Variants in ZNF233 observed in about 807,000 individuals in gnomAD.
ZNF233 encodes zinc finger protein 233.
ZNF233 carries 7 observed loss-of-function variants against 11.6 expected under a neutral mutation model. That is an observed-to-expected ratio of 0.60 (90% CI 0.34 to 1.13). The LOEUF (loss-of-function observed/expected upper bound fraction) is 1.13, where lower values mean the gene tolerates loss of function less well. Ranked by LOEUF, ZNF233 falls within the 50% of genes most tolerant of loss-of-function variation. The pLI, the probability that ZNF233 is intolerant of heterozygous loss-of-function variation, is 0.03. For synonymous variants in ZNF233, 226 were observed against 268.5 expected (o/e 0.84, Z 1.55); for missense variants, 711 against 785.5 (o/e 0.91, Z 1.13).
chr19:44,274,364 G>A lies in ZNF233; in HGVS notation c.1704G>A (p.Val568=). Residue 568 remains valine, a synonymous_variant, in exon 5 of 5, where the codon GTG becomes GTA. Transcript: ENST00000683810. ...GAGAGAATCCCTACAAATGTGATGTGTGTGGGAAAGGCTTCAGTTGGAGTT... is the reference window on the plus strand; with the variant it reads ...GAGAGAATCCCTACAAATGTGATGTATGTGGGAAAGGCTTCAGTTGGAGTT... The part of the protein sequence containing the change: ...HTGENPYKCD[V]CGKGFSWSSH... 1 of 1,613,370 alleles carries A rather than the reference G, an allele frequency of 6.2e-7. No individual in the cohort carries two copies. Among genetic ancestry groups the A allele is most frequent in the Non-Finnish European group, 8.5e-7 (1 of 1,179,826 alleles).
rs1555798186 is a variant in ZNF233 at position 44,273,859 on chromosome 19, G to T, written c.1199G>T (p.Cys400Phe). Residue 400 changes from cysteine (C) to phenylalanine (F), a missense_variant, in exon 5 of 5, where the codon TGT becomes TTT. Physicochemically the swap from Cys to Phe is radical, Grantham distance 205. Transcript: ENST00000683810. ...VDSAGERACK[C>F]DVYDKGFSQT... ...AGTGCTGGAGAGAGAGCCTGTAAAT[G>T]TGATGTATATGATAAAGGCTTCAGT... The T allele has an allele frequency of 6.2e-7, 1 of 1,614,166 alleles. No individual in the cohort carries two copies. The highest frequency in any genetic ancestry group is 1.1e-5 in the South Asian group (1 of 91,084).
Position 44,273,558 on chromosome 19 carries a change from G to A in ZNF233, c.898G>A (p.Gly300Arg). The A allele has an allele frequency of 6.2e-7, 1 of 1,614,204 alleles. No individual in the cohort carries two copies. The highest frequency in any genetic ancestry group is 8.5e-7 in the Non-Finnish European group (1 of 1,180,048). ...CGGGAAGGGCATAGGTTACAGCTCA[G>A]GGCTTCCCAGGCATCAGTGTTTCCA... is the stretch of plus-strand genomic sequence containing the variant. ...EYGKGIGYSS[G>R]LPRHQCFHIG... Residue 300 changes from glycine to arginine, a missense_variant, in exon 5 of 5, where the codon GGG (glycine) becomes AGG (arginine). Coordinates refer to ENST00000683810, the MANE Select transcript of ZNF233 (RefSeq NM_001207005.2).
rs758821581 is a variant in ZNF233, at chr19:44,274,525, G to A, written c.1865G>A (p.Cys622Tyr). Residue 622 changes from cysteine to tyrosine, a missense_variant, in exon 5 of 5, where the codon TGT becomes TAT. Cys to Tyr is a radical substitution (Grantham distance 194). Transcript: ENST00000683810. The part of the protein sequence containing the change: ...RIHTGEKPYK[C>Y]GMCGKSFSQT... The stretch of plus-strand genomic sequence containing the variant: ...CACACGGGAGAGAAACCCTATAAAT[G>A]TGGCATGTGTGGTAAGAGCTTCAGT... The A allele has an allele frequency of 6.2e-6, 10 of 1,613,892 alleles. No individual in the cohort carries two copies. The Admixed American group carries it at 1.2e-4, about 19-fold the overall frequency.
intron 2 of ZNF233, among the ~76,000 whole-genome samples, chr19:44,264,802 T>C (rs1235198353): frequency 2.0e-5 from 3 of 152,220 alleles, no homozygotes; most frequent in Non-Finnish European, 4.4e-5. Flanking sequence ...TTATATGATT[T>C]AGTGTTCCTT....
intron 1 of ZNF233, among the ~76,000 whole-genome samples, chr19:44,263,101 T>G (rs570427515): frequency 6.6e-6 from 1 of 152,150 alleles, no homozygotes; most frequent in Non-Finnish European, 1.5e-5. Flanking sequence ...CATCACTTAT[T>G]GAGAGCTTAT....
At chr19:44,272,561 C>T (rs963331780) in intron 4 of ZNF233, among the ~76,000 whole-genome samples, 1 of 151,734 alleles carries the variant, frequency 6.6e-6, no homozygotes, top group Non-Finnish European at 1.5e-5. Flanking sequence ...GGTGAAACCC[C>T]GTCTGTACTA....
chr19:44,274,024 A>G lies in ZNF233; in HGVS notation c.1364A>G (p.Glu455Gly). 6.3e-7 allele frequency: 1 copy of G among 1,597,868 alleles called. No homozygotes were observed. The highest frequency in any genetic ancestry group is 2.2e-5 in the East Asian group (1 of 44,878). The change falls in exon 5 of 5, where the codon GAG (glutamate) becomes GGG (glycine). Residue 455 changes from glutamate (E) to glycine (G), a missense_variant. Transcript: ENST00000683810. ...ACTGGAGAGAAACCATATAAATGTG[A>G]GGTATGTGATAAGGGCTTCAGTAAG... ...VHTGEKPYKC[E>G]VCDKGFSKAS...
chr19:44,272,256 T>G (rs910917705), intron 4 of ZNF233, among the ~76,000 whole-genome samples: 2 of 150,796 alleles, frequency 1.3e-5, no homozygotes, highest in Non-Finnish European at 3.0e-5. Flanking sequence ...CTCTCCTCTT[T>G]TCCATGGCAG....
Position 44,275,123 on chromosome 19 carries a change from T to A in ZNF233, c.*450T>A. The stretch of plus-strand genomic sequence containing the variant: ...CTGCATGATCGTGACCTTGAACAAG[T>A]ACCTAAGAAATAGTGGCTTCCCTGG... On this transcript the variant is annotated 3_prime_UTR_variant, in exon 5 of 5. Coordinates refer to ENST00000683810, the MANE Select transcript of ZNF233 (RefSeq NM_001207005.2). The A allele has an allele frequency of 2.5e-6, 1 of 396,048 alleles. No individual in the cohort carries two copies. 24.5% of individuals were successfully genotyped at this position (396,048 alleles called of 1,614,324 possible). A position where few individuals can be genotyped will look rare whatever the true frequency, so the allele number is the denominator to read the frequency against.
chr19:44,262,532 G>A (rs1011656837), intron 1 of ZNF233, among the ~76,000 whole-genome samples: 3 of 152,198 alleles, frequency 2.0e-5, no homozygotes, highest in Non-Finnish European at 4.4e-5. Context: ...AGCAGAGCAG[G>A]AGGGTGCAGG....
intron 4 of ZNF233, among the ~76,000 whole-genome samples, chr19:44,271,092 A>C (rs924689780): frequency 1.3e-5 from 2 of 152,182 alleles, no homozygotes; most frequent in African/African-American, 4.8e-5. Flanking sequence ...TGTGTCAGCT[A>C]TGGGAATAAG....
chr19:44,264,320 C>A lies in ZNF233; in HGVS notation c.-41C>A. On this transcript the variant is annotated 5_prime_UTR_variant, in exon 2 of 5. Coordinates refer to ENST00000683810, the MANE Select transcript of ZNF233 (RefSeq NM_001207005.2). ...CTTCTTTCTCTTTTCCCAGTTCTGC[C>A]TTCCCAGGACCCTGCCCTTCCCCAG... The A allele has an allele frequency of 1.9e-6, 3 of 1,610,708 alleles. No homozygotes were observed. Among genetic ancestry groups the A allele is most frequent in the Non-Finnish European group, 2.5e-6 (3 of 1,177,368 alleles).
chr19:44,272,079 T>A (rs1975250660), intron 4 of ZNF233, among the ~76,000 whole-genome samples: 2 of 149,950 alleles, frequency 1.3e-5, no homozygotes, highest in African/African-American at 2.4e-5. Flanking sequence ...ACAAAAAAAA[T>A]TAATGAGGTG....
intron 4 of ZNF233, chr19:44,267,736 T>A (rs1975130484): frequency 4.1e-6 from 1 of 245,428 alleles, no homozygotes; most frequent in Admixed American, 5.5e-5. Context: ...CCTGGGATGT[T>A]CTTACCTCAT....
At chr19:44,264,266 C>A in intron 1 of ZNF233, 48 bp from the exon 2 acceptor site, 1 of 1,274,680 alleles carries the variant, frequency 7.8e-7, no homozygotes, top group Non-Finnish European at 1.1e-6. Flanking sequence ...GCCAGCACAG[C>A]CATGTGGGCT....
chr19:44,275,093 T>G lies in ZNF233; in HGVS notation c.*420T>G. ...CTAAGCTCCATGCAGGAACATTGTT[T>G]ACTGCTGCATGATCGTGACCTTGAA... is the stretch of plus-strand genomic sequence containing the variant. On this transcript the variant is annotated 3_prime_UTR_variant, in exon 5 of 5. Coordinates refer to ENST00000683810, the MANE Select transcript of ZNF233 (RefSeq NM_001207005.2). 1 of 402,014 alleles carries G rather than the reference T, an allele frequency of 2.5e-6. No individual in the cohort carries two copies. Among genetic ancestry groups the G allele is most frequent in the Non-Finnish European group, 4.4e-6 (1 of 228,050 alleles). 24.9% of individuals were successfully genotyped at this position (402,014 alleles called of 1,614,324 possible).
intron 2 of ZNF233, among the ~76,000 whole-genome samples, chr19:44,265,366 TACACACACACACAC>T (rs67044027): frequency 2.2e-4 from 29 of 133,132 alleles, no homozygotes; most frequent in East Asian, 4.2e-4. Context: ...CATATATATA[TACACACACACACAC>T]ACACACACAC....
chr19:44,273,925 G>A lies in ZNF233; in HGVS notation c.1265G>A (p.Arg422Lys). 6.2e-7 allele frequency: 1 copy of A among 1,614,148 alleles called. No individual in the cohort carries two copies. The highest frequency in any genetic ancestry group is 1.7e-5 in the Admixed American group (1 of 60,030). ...QLQAHQRGHSRDKTYKWEVSD... is the reference protein window; with the variant it reads ...QLQAHQRGHSKDKTYKWEVSD... ...CAAGCCCATCAGAGAGGTCACTCTAGAGACAAGACATACAAATGGGAAGTA... is the reference window on the plus strand; with the variant it reads ...CAAGCCCATCAGAGAGGTCACTCTAAAGACAAGACATACAAATGGGAAGTA... Residue 422 changes from arginine to lysine, a missense_variant, in exon 5 of 5, where the codon AGA becomes AAA. Physicochemically the swap from Arg to Lys is conservative, Grantham distance 26. Coordinates refer to ENST00000683810, the MANE Select transcript of ZNF233 (RefSeq NM_001207005.2).
In ZNF233 at chr19:44,274,511, G is replaced by A. The variant is rs997234652; in HGVS notation, c.1851G>A (p.Glu617=). The change falls in exon 5 of 5, where the codon GAG becomes GAA. Residue 617 remains glutamate (E), a synonymous_variant. Transcript: ENST00000683810. The part of the protein sequence containing the change: ...LHVHQRIHTG[E]KPYKCGMCGK... ...TTCATCAGAGGATCCACACGGGAGA[G>A]AAACCCTATAAATGTGGCATGTGTG... 1.2e-6 allele frequency: 2 copies of A among 1,613,972 alleles called. No homozygotes were observed. The highest frequency in any genetic ancestry group is 1.3e-5 in the African/African-American group (1 of 74,892).
Sources: allele counts gnomAD v4.1 joint callset (sites outside exome capture counted in the v4.1 genomes callset), GRCh38; gene constraint gnomAD v4.1.1; transcripts MANE v1.5; gene names NCBI Gene and HGNC (gene_info 2026-07-23, HGNC 2026-07-21).